Variants in SAV1 observed in about 807,000 individuals in gnomAD.
SAV1 encodes the protein protein salvador homolog 1.
A neutral mutation model predicts 47.3 loss-of-function variants in SAV1; 23 were observed. The observed-to-expected ratio is 0.49, with a 90% CI of 0.35 to 0.69. SAV1 has a LOEUF of 0.69. Ranked by LOEUF, SAV1 falls within the 30% of genes least tolerant of loss-of-function variation. The probability of loss-of-function intolerance (pLI) is 0.01; values close to 1 mark genes in which losing one functional copy is unlikely to be tolerated. For synonymous variants in SAV1, 155 were observed against 159.2 expected (o/e 0.97, Z 0.20); for missense variants, 448 against 457.4 (o/e 0.98, Z 0.19).
At chr14:50,655,482 G>C (rs2039804835) in intron 2 of SAV1, among the ~76,000 whole-genome samples, 1 of 149,702 alleles carries the variant, frequency 6.7e-6, no homozygotes, top group Non-Finnish European at 1.5e-5. Context: ...GCTAAAGTCA[G>C]TGATGCAATC....
At chr14:50,667,630 A>C in intron 1 of SAV1, 6 of 427,782 alleles carry the variant, frequency 1.4e-5, no homozygotes, top group East Asian at 8.1e-5. Flanking sequence ...GGGGCGAGGA[A>C]GTCTGTTATT....
chr14:50,664,321 G>A (rs1245606736), intron 2 of SAV1: 4 of 151,822 alleles, frequency 2.6e-5, no homozygotes, highest in African/African-American at 9.7e-5. Flanking sequence ...TTTTTAAGTC[G>A]CCTTATTTGA....
chr14:50,657,827 A>T (rs1566746339), intron 2 of SAV1, among the ~76,000 whole-genome samples: 1 of 152,242 alleles, frequency 6.6e-6, no homozygotes, highest in Non-Finnish European at 1.5e-5. Context: ...TCGAAGACAC[A>T]GATAAAGTAT....
intron 2 of SAV1, among the ~76,000 whole-genome samples, chr14:50,656,577 G>C (rs2039814329): frequency 6.6e-6 from 1 of 151,710 alleles, no homozygotes; most frequent in Admixed American, 6.6e-5. Context: ...TGAGTAGCTG[G>C]GACTACAGGC....
intron 4 of SAV1, among the ~76,000 whole-genome samples, chr14:50,638,860 C>T (rs1360309402): frequency 4.6e-5 from 7 of 152,116 alleles, no homozygotes; most frequent in African/African-American, 9.7e-5. Flanking sequence ...CTCCGCCTCC[C>T]GGGTTCAAAT....
At chr14:50,647,350 G>A (rs181063895) in intron 2 of SAV1, among the ~76,000 whole-genome samples, 1 of 152,206 alleles carries the variant, frequency 6.6e-6, no homozygotes, top group East Asian at 1.9e-4. Flanking sequence ...ATTAGCCAAA[G>A]AACTCTGACC....
intron 2 of SAV1, among the ~76,000 whole-genome samples, chr14:50,663,751 T>C (rs531621607): frequency 6.6e-6 from 1 of 152,334 alleles, no homozygotes; most frequent in Admixed American, 6.5e-5. Context: ...GAATCTACCC[T>C]TAATTCTAGT....
intron 2 of SAV1, among the ~76,000 whole-genome samples, chr14:50,660,809 G>A (rs1042204130): frequency 5.3e-5 from 8 of 151,846 alleles, no homozygotes; most frequent in East Asian, 1.9e-4. Flanking sequence ...AATGTGTTTC[G>A]CTCCCACATG....
At chr14:50,659,275 C>T (rs1240545462) in intron 2 of SAV1, among the ~76,000 whole-genome samples, 1 of 152,098 alleles carries the variant, frequency 6.6e-6, no homozygotes, top group Non-Finnish European at 1.5e-5. Context: ...CATGTGTGTT[C>T]CAATAAAACT....
chr14:50,656,786 A>C (rs2039816486), intron 2 of SAV1, among the ~76,000 whole-genome samples: 1 of 152,146 alleles, frequency 6.6e-6, no homozygotes. Context: ...TATTTTTTCA[A>C]ATTATTATTT....
intron 2 of SAV1, among the ~76,000 whole-genome samples, chr14:50,654,007 G>C (rs2039792057): frequency 1.3e-5 from 2 of 152,150 alleles, no homozygotes; most frequent in Admixed American, 6.5e-5. Flanking sequence ...TGAGCCTTTA[G>C]TGAGTTCACA....
At chr14:50,636,777 T>C (rs935192566) in intron 4 of SAV1, among the ~76,000 whole-genome samples, 1 of 152,204 alleles carries the variant, frequency 6.6e-6, no homozygotes, top group African/African-American at 2.4e-5. Flanking sequence ...TTCAAAATAG[T>C]GGTTTTCAAT....
chr14:50,638,643 C>T (rs1268675667), intron 4 of SAV1, among the ~76,000 whole-genome samples: 1 of 152,082 alleles, frequency 6.6e-6, no homozygotes, highest in Non-Finnish European at 1.5e-5. Flanking sequence ...GACTGCCAAG[C>T]CACTGGAATA....
chr14:50,651,070 G>GC (rs34893289), intron 2 of SAV1, among the ~76,000 whole-genome samples: 145,465 of 151,836 alleles, frequency 0.96, 69,549 homozygotes, highest in East Asian at 1. Context: ...CCAGAGCGAA[G>GC]CTTCGGATAA....
At chr14:50,665,714 A>C in intron 1 of SAV1, 95 bp from the exon 2 acceptor site, 12 of 1,080,194 alleles carry the variant, frequency 1.1e-5, no homozygotes, top group African/African-American at 3.2e-5. Flanking sequence ...CAAAATCAAA[A>C]TGTCAGTCAA....
intron 4 of SAV1, chr14:50,638,078 A>G (rs2039651099): frequency 6.6e-6 from 1 of 152,198 alleles, no homozygotes; most frequent in Non-Finnish European, 1.5e-5. Flanking sequence ...TGGGGGAAGA[A>G]AGTGCACTCC....
intron 2 of SAV1, among the ~76,000 whole-genome samples, chr14:50,649,783 A>G (rs981706074): frequency 6.6e-6 from 1 of 152,238 alleles, no homozygotes; most frequent in African/African-American, 2.4e-5. Flanking sequence ...ACAGCATTTA[A>G]ATGAAAAGTT....
Position 50,635,072 on chromosome 14 carries a change from A to T in SAV1, c.*111T>A, listed in dbSNP as rs3208675. The T allele has an allele frequency of 2.7e-6, 2 of 744,406 alleles. No homozygotes were observed. Among genetic ancestry groups the T allele is most frequent in the South Asian group, 1.9e-5 (1 of 53,330 alleles). 46.1% of individuals were successfully genotyped at this position (744,406 alleles called of 1,614,324 possible). A position where few individuals can be genotyped will look rare whatever the true frequency, so the allele number is the denominator to read the frequency against. On this transcript the variant is annotated 3_prime_UTR_variant, in exon 5 of 5. Coordinates refer to ENST00000324679, the MANE Select transcript of SAV1 (RefSeq NM_021818.4). Reference sequence around the variant, plus strand: ...AAAATACATGTAAAGTTAGAATTTTATAATTTCCACAAAGGAAGCAGCATT... The same window carrying T: ...AAAATACATGTAAAGTTAGAATTTTTTAATTTCCACAAAGGAAGCAGCATT...
At chr14:50,656,129 A>G (rs2039810536) in intron 2 of SAV1, among the ~76,000 whole-genome samples, 1 of 152,334 alleles carries the variant, frequency 6.6e-6, no homozygotes, top group East Asian at 1.9e-4. Context: ...CCATACTTCC[A>G]TATATGTACT....
Sources: allele counts gnomAD v4.1 joint callset (sites outside exome capture counted in the v4.1 genomes callset), GRCh38; gene constraint gnomAD v4.1.1; transcripts MANE v1.5; gene names NCBI Gene and HGNC (gene_info 2026-07-23, HGNC 2026-07-21).